CNTNAP2: variants seen among roughly 807,000 people sequenced by gnomAD.
The protein encoded by CNTNAP2 is contactin associated protein 2.
In CNTNAP2, 98 loss-of-function variants were observed where a neutral mutation model predicts 155.2. The observed-to-expected ratio is 0.63, with a 90% CI of 0.54 to 0.75. The LOEUF (loss-of-function observed/expected upper bound fraction) is 0.75. CNTNAP2 is among the 30% of genes least tolerant of loss of function. The probability of loss-of-function intolerance (pLI) is 0.00; values close to 1 mark genes in which losing one functional copy is unlikely to be tolerated. For synonymous variants in CNTNAP2, 651 were observed against 631.2 expected (o/e 1.03, Z -0.47); for missense variants, 1,727 against 1,688.1 (o/e 1.02, Z -0.40).
chr7:148,106,434 T>C (rs1458965093), intron 15 of CNTNAP2, among the ~76,000 whole-genome samples: 1 of 149,974 alleles, frequency 6.7e-6, no homozygotes, highest in Non-Finnish European at 1.5e-5. Context: ...CATTTTGAAG[T>C]TGTCATTCCC....
rs1800029110 is a variant in CNTNAP2, at chr7:147,560,008, A to G, written c.1778-2130A>G. Among the ~76,000 whole-genome samples the G allele has an allele frequency of 2.6e-5, 4 of 151,868 alleles. No individual in the cohort carries two copies. The South Asian group carries it at 8.3e-4, about 32-fold the overall frequency. On this transcript the variant is annotated intron_variant, in intron 11 of 23. Transcript: ENST00000361727. ...ACATGGAGAAACCCCGTCTCCACTA[A>G]AAATACTAAATTAGCCGGGCATGGT...
chr7:147,713,627 T>TA (rs1173537964), intron 13 of CNTNAP2, among the ~76,000 whole-genome samples: 1 of 152,190 alleles, frequency 6.6e-6, no homozygotes, highest in Non-Finnish European at 1.5e-5. Flanking sequence ...TGTTTGAACA[T>TA]ACGTTTTCAT....
chr7:147,204,734 T>C (rs1380575461), intron 8 of CNTNAP2, among the ~76,000 whole-genome samples: 1 of 152,120 alleles, frequency 6.6e-6, no homozygotes, highest in Non-Finnish European at 1.5e-5. Flanking sequence ...TGAATAAATA[T>C]TAGGGGAAAC....
At chr7:147,997,709 T>C (rs868738979) in intron 15 of CNTNAP2, among the ~76,000 whole-genome samples, 4 of 151,942 alleles carry the variant, frequency 2.6e-5, no homozygotes, top group African/African-American at 9.7e-5. Flanking sequence ...CCGGGGAGGA[T>C]GAGACAGAAA....
intron 1 of CNTNAP2, among the ~76,000 whole-genome samples, chr7:146,423,997 A>C (rs2129114876): frequency 6.6e-6 from 1 of 152,284 alleles, no homozygotes; most frequent in African/African-American, 2.4e-5. Context: ...TTGAGTATTA[A>C]ATGAGATAAT....
intron 13 of CNTNAP2, among the ~76,000 whole-genome samples, chr7:147,706,110 G>A (rs1796310494): frequency 6.7e-6 from 1 of 148,660 alleles, no homozygotes; most frequent in Non-Finnish European, 1.5e-5. Flanking sequence ...TAGTTATTTT[G>A]TAATGTCTTT....
intron 1 of CNTNAP2, among the ~76,000 whole-genome samples, chr7:146,301,659 A>G (rs1800613204): frequency 6.6e-6 from 1 of 152,042 alleles, no homozygotes; most frequent in Non-Finnish European, 1.5e-5. Context: ...CAACAACAAA[A>G]AGATATACAT....
chr7:147,304,143 C>T (rs565344032), intron 9 of CNTNAP2, among the ~76,000 whole-genome samples: 5 of 152,220 alleles, frequency 3.3e-5, no homozygotes, highest in African/African-American at 1.2e-4. Flanking sequence ...CTGCTAATGC[C>T]GGCAAAGTCT....
rs1186349532 is a variant in CNTNAP2 at position 147,955,209 on chromosome 7, A to G, written c.2256-22653A>G. Among the ~76,000 whole-genome samples the G allele has an allele frequency of 2.0e-5, 3 of 152,248 alleles. No homozygotes were observed. In the East Asian group the frequency reaches 5.8e-4, roughly 29 times the overall value. On this transcript the variant is annotated intron_variant, in intron 14 of 23. Coordinates refer to ENST00000361727, the MANE Select transcript of CNTNAP2 (RefSeq NM_014141.6). The stretch of plus-strand genomic sequence containing the variant: ...TCTTACAACTCGTTGATAGTCATCA[A>G]AATTGAAGATCCAAAAAGCTTTTAT...
chr7:147,543,655 A>C (rs1799678554), intron 11 of CNTNAP2, among the ~76,000 whole-genome samples: 1 of 152,182 alleles, frequency 6.6e-6, no homozygotes, highest in African/African-American at 2.4e-5. Flanking sequence ...ACCCCCTCAA[A>C]TAAAACCATA....
intron 8 of CNTNAP2, among the ~76,000 whole-genome samples, chr7:147,287,233 C>T (rs12111644): frequency 0.059 from 8,966 of 152,084 alleles, 355 homozygotes; most frequent in African/African-American, 0.12. Context: ...TTAAACTGTC[C>T]TAACAGGATT....
chr7:148,240,378 C>G (rs765255962), intron 20 of CNTNAP2, among the ~76,000 whole-genome samples: 4 of 152,140 alleles, frequency 2.6e-5, no homozygotes, highest in Non-Finnish European at 5.9e-5. Context: ...TTTGACAAGT[C>G]TCCTTATCAA....
Position 148,367,637 on chromosome 7 carries a change from CTT to C in CNTNAP2, c.3476-16011_3476-16010del, listed in dbSNP as rs1454227397. On this transcript the variant is annotated intron_variant, in intron 21 of 23. Coordinates refer to ENST00000361727, the MANE Select transcript of CNTNAP2 (RefSeq NM_014141.6). The stretch of plus-strand genomic sequence containing the variant: ...GGCTCATGCCAAAAGAACTAGATCT[CTT>C]GTTATCCAGAAAACCATATTTTCTA... 4.6e-5 allele frequency among the ~76,000 whole-genome samples: 7 copies of C among 152,166 alleles called. No individual in the cohort carries two copies. In the South Asian group the frequency reaches 1.2e-3, roughly 27 times the overall value.
chr7:146,256,850 A>T (rs531364216), intron 1 of CNTNAP2, among the ~76,000 whole-genome samples: 2 of 152,140 alleles, frequency 1.3e-5, no homozygotes, highest in Non-Finnish European at 2.9e-5. Context: ...AATAAACAGT[A>T]AGCTAAAACT....
intron 1 of CNTNAP2, among the ~76,000 whole-genome samples, chr7:146,271,815 C>A (rs1165993019): frequency 1.3e-5 from 2 of 151,980 alleles, no homozygotes; most frequent in African/African-American, 4.8e-5. Flanking sequence ...TTATGCACAT[C>A]TTTATTTCAG....
At chr7:146,395,066 A>C (rs60190620) in intron 1 of CNTNAP2, among the ~76,000 whole-genome samples, 20,301 of 152,038 alleles carry the variant, frequency 0.13, 1,609 homozygotes, top group African/African-American at 0.23. Flanking sequence ...AAAAGACATT[A>C]TTTCTTTCTT....
intron 1 of CNTNAP2, among the ~76,000 whole-genome samples, chr7:146,131,567 T>C (rs1288544783): frequency 5.3e-5 from 8 of 152,210 alleles, no homozygotes; most frequent in Non-Finnish European, 8.8e-5. Context: ...TATAACAAGA[T>C]TGTTTCAGAA....
Position 148,254,514 on chromosome 7 carries a change from T to C in CNTNAP2, c.3382-12519T>C, listed in dbSNP as rs576381302. The stretch of plus-strand genomic sequence containing the variant: ...AACTTAGGCCATGCACGTTGGCTCA[T>C]ACCTATAATCCCAGCACTTTGGGAG... On this transcript the variant is annotated intron_variant, in intron 20 of 23. Coordinates refer to ENST00000361727, the MANE Select transcript of CNTNAP2 (RefSeq NM_014141.6). Among the ~76,000 whole-genome samples the C allele has an allele frequency of 1.1e-4, 17 of 152,298 alleles. No individual in the cohort carries two copies. In the South Asian group the frequency reaches 1.9e-3, roughly 17 times the overall value.
At chr7:146,384,090 C>T (rs779581336) in intron 1 of CNTNAP2, among the ~76,000 whole-genome samples, 8 of 151,942 alleles carry the variant, frequency 5.3e-5, no homozygotes, top group South Asian at 2.1e-4. Context: ...AAGTCTCCTG[C>T]GGAGAAAGGA....
Sources: allele counts gnomAD v4.1 joint callset (sites outside exome capture counted in the v4.1 genomes callset), GRCh38; gene constraint gnomAD v4.1.1; transcripts MANE v1.5; gene names NCBI Gene and HGNC (gene_info 2026-07-23, HGNC 2026-07-21).